Variants in UNC13B observed in about 807,000 individuals in gnomAD.
UNC13B encodes the protein protein unc-13 homolog B.
In UNC13B, 144 loss-of-function variants were observed where a neutral mutation model predicts 211.0. The observed-to-expected ratio is 0.68, with a 90% confidence interval of 0.60 to 0.78. The LOEUF (loss-of-function observed/expected upper bound fraction) is 0.78, where lower values mean the gene tolerates loss of function less well. Ranked by LOEUF, UNC13B falls within the 30% of genes least tolerant of loss-of-function variation. The pLI, the probability that UNC13B is intolerant of heterozygous loss-of-function variation, is 0.00. For synonymous variants in UNC13B, 709 were observed against 725.8 expected (o/e 0.98, Z 0.37); for missense variants, 1,777 against 2,002.0 (o/e 0.89, Z 2.14).
rs1490726321 is a variant in UNC13B at position 35,304,998 on chromosome 9, C to T, written c.5594C>T (p.Thr1865Ile). 2 of 398,800 alleles carry T rather than the reference C, an allele frequency of 5.0e-6. No individual in the cohort carries two copies. Among genetic ancestry groups the T allele is most frequent in the African/African-American group, 2.1e-5 (1 of 48,626 alleles). 24.7% of individuals were successfully genotyped at this position (398,800 alleles called of 1,614,324 possible). Residue 1865 changes from threonine to isoleucine, a missense_variant, in exon 9 of 40, where the codon ACT becomes ATT. By Grantham distance (89) the Thr-to-Ile change is moderately conservative (BLOSUM62 -1). Coordinates refer to ENST00000635942, the MANE Select transcript of UNC13B (RefSeq NM_001371189.2). ...TCTGGTTTCCAGGTAAGCCAAACAA[C>T]TCCTCAGGCTAAATCAGGTGTAAAA... ...LKSGFQVSQT[T>I]PQAKSGVKDD...
intron 13 of UNC13B, among the ~76,000 whole-genome samples, chr9:35,371,758 G>T (rs1008239485): frequency 4.6e-5 from 7 of 152,088 alleles, no homozygotes; most frequent in Non-Finnish European, 7.3e-5. Context: ...TAGGCTTTGG[G>T]TCCTGGCCAG....
intron 1 of UNC13B, among the ~76,000 whole-genome samples, chr9:35,226,996 A>G (rs961387767): frequency 7.2e-5 from 11 of 152,212 alleles, no homozygotes; most frequent in Admixed American, 2.0e-4. Flanking sequence ...TGCAGAGCTT[A>G]ATCTTTTTAA....
In UNC13B at chr9:35,306,107, A is replaced by AACTG. The variant is rs1179188133; in HGVS notation, c.6703_6704insACTG (p.Ile2235AsnfsTer14). The AACTG allele has an allele frequency of 1.4e-4, 54 of 398,872 alleles. No homozygotes were observed. The highest frequency in any genetic ancestry group is 2.3e-4 in the Non-Finnish European group (51 of 226,052). 24.7% of individuals were successfully genotyped at this position (398,872 alleles called of 1,614,324 possible). On this transcript the variant is annotated frameshift_variant, in exon 9 of 40. Coordinates refer to ENST00000635942, the MANE Select transcript of UNC13B (RefSeq NM_001371189.2). LOFTEE classifies it high-confidence loss of function. ...GGAGACCTCTGGGGAAAAACAAAGC[A>AACTG]TTTCAACTGTTGTTCCAGTGACCTC...
chr9:35,351,380 A>T, intron 11 of UNC13B: 1 of 1,228,092 alleles, frequency 8.1e-7, no homozygotes, highest in Non-Finnish European at 1.0e-6. Flanking sequence ...ACTGTGGGCT[A>T]AGCCCAAAGC....
chr9:35,229,278 A>G (rs1825059974), intron 2 of UNC13B, among the ~76,000 whole-genome samples: 1 of 152,192 alleles, frequency 6.6e-6, no homozygotes, highest in Admixed American at 6.5e-5. Context: ...GGAAAACCTG[A>G]AAAACTGGAC....
intron 6 of UNC13B, among the ~76,000 whole-genome samples, chr9:35,251,929 G>A (rs10972405): frequency 0.18 from 27,723 of 152,048 alleles, 2,859 homozygotes; most frequent in Non-Finnish European, 0.24. Context: ...GGGCTCAAGC[G>A]ATCTGCCCGC....
At chr9:35,265,391 G>A (rs960132363) in intron 7 of UNC13B, among the ~76,000 whole-genome samples, 1 of 152,218 alleles carries the variant, frequency 6.6e-6, no homozygotes, top group Non-Finnish European at 1.5e-5. Flanking sequence ...GGAAGAGACT[G>A]TTCACCAGAA....
intron 11 of UNC13B, among the ~76,000 whole-genome samples, chr9:35,335,766 T>C (rs753406791): frequency 6.6e-6 from 1 of 151,618 alleles, no homozygotes; most frequent in Non-Finnish European, 1.5e-5. Context: ...CACGGCTCAC[T>C]GTAACCTCGA....
intron 11 of UNC13B, among the ~76,000 whole-genome samples, chr9:35,331,013 T>G (rs1348869059): frequency 6.6e-6 from 1 of 152,184 alleles, no homozygotes; most frequent in Non-Finnish European, 1.5e-5. Flanking sequence ...TAGTTAACTC[T>G]TATGGAATAA....
chr9:35,353,622 G>T (rs1832854010), intron 11 of UNC13B: 1 of 1,232,150 alleles, frequency 8.1e-7, no homozygotes, highest in Non-Finnish European at 1.0e-6. Flanking sequence ...AGTGAGACTT[G>T]TTCCAGGCCT....
intron 37 of UNC13B, among the ~76,000 whole-genome samples, chr9:35,402,529 A>C (rs1345383580): frequency 1.3e-5 from 2 of 151,790 alleles, no homozygotes; most frequent in Non-Finnish European, 2.9e-5. Flanking sequence ...TGATCCCCCC[A>C]CCTCAGCCTC....
At chr9:35,381,820 A>G in intron 20 of UNC13B, 101 bp downstream of exon 20, 4 of 1,429,768 alleles carry the variant, frequency 2.8e-6, no homozygotes, top group Non-Finnish European at 3.8e-6. Context: ...GGTAGCATGC[A>G]GTGATTCCTT....
intron 7 of UNC13B, among the ~76,000 whole-genome samples, chr9:35,279,393 A>C (rs926282855): frequency 6.6e-6 from 1 of 152,244 alleles, no homozygotes; most frequent in African/African-American, 2.4e-5. Context: ...CTTATGGCTG[A>C]ATACTAATTC....
At chr9:35,203,850 T>A (rs1051632103) in intron 1 of UNC13B, among the ~76,000 whole-genome samples, 5 of 152,234 alleles carry the variant, frequency 3.3e-5, no homozygotes, top group Non-Finnish European at 7.3e-5. Context: ...AGTGGAGGAA[T>A]TCAATCAGGC....
At chr9:35,168,107 G>T (rs528699314) in intron 1 of UNC13B, among the ~76,000 whole-genome samples, 110 of 152,042 alleles carry the variant, frequency 7.2e-4, no homozygotes, top group Non-Finnish European at 1.4e-3. Flanking sequence ...TTTGTAGGAT[G>T]GAATTGCCCT....
At chr9:35,248,681 A>C (rs1587462131) in intron 6 of UNC13B, among the ~76,000 whole-genome samples, 1 of 151,386 alleles carries the variant, frequency 6.6e-6, no homozygotes. Flanking sequence ...TGAGTTTATT[A>C]CTCCTGAGTT....
At chr9:35,277,560 G>A (rs1249938682) in intron 7 of UNC13B, among the ~76,000 whole-genome samples, 1 of 151,810 alleles carries the variant, frequency 6.6e-6, no homozygotes, top group African/African-American at 2.4e-5. Flanking sequence ...AAGTACAAAG[G>A]AGCTTATCCA....
At chr9:35,291,210 C>A in intron 7 of UNC13B, 1 of 1,044,580 alleles carries the variant, frequency 9.6e-7, no homozygotes, top group Non-Finnish European at 1.4e-6. Flanking sequence ...TTCCATTTCC[C>A]TCTCCTCTCC....
At chr9:35,194,148 G>A (rs1822811782) in intron 1 of UNC13B, among the ~76,000 whole-genome samples, 1 of 152,190 alleles carries the variant, frequency 6.6e-6, no homozygotes, top group Non-Finnish European at 1.5e-5. Flanking sequence ...GATGCTCACT[G>A]TCGGGGGGAG....
Sources: gnomAD v4.1 joint callset for allele counts (sites outside exome capture counted in the v4.1 genomes callset) on GRCh38, gnomAD v4.1.1 for gene constraint, MANE v1.5 for transcripts, NCBI Gene and HGNC (gene_info 2026-07-23, HGNC 2026-07-21) for gene names.